ZMYM1: variants seen among roughly 807,000 people sequenced by gnomAD.
ZMYM1 encodes zinc finger MYM-type containing 1, also known as zinc finger MYM-type protein 1.
In ZMYM1, 39 loss-of-function variants were observed where a neutral mutation model predicts 60.0. That is an observed-to-expected ratio of 0.65 (90% confidence interval 0.50 to 0.85). The LOEUF (loss-of-function observed/expected upper bound fraction) is 0.85, where lower values mean the gene tolerates loss of function less well. Among genes scored for constraint, ZMYM1 ranks in the 40% least tolerant of loss-of-function variants. ZMYM1 has a pLI of 0.00. For missense variants in ZMYM1, 1,171 were observed against 1,309.5 expected (o/e 0.89, Z 1.63); for synonymous variants, 413 against 454.0 (o/e 0.91, Z 1.15).
Position 35,114,360 on chromosome 1 carries a change from G to A in ZMYM1, c.2530G>A (p.Asp844Asn), listed in dbSNP as rs759972113. Residue 844 changes from aspartate to asparagine, a missense_variant, in exon 10 of 10, where the codon GAT becomes AAT. Transcript: ENST00000359858. ...ASHSSNTSFADELSHLLTLVS... is the reference protein window; with the variant it reads ...ASHSSNTSFANELSHLLTLVS... ...CCATTCTTCAAATACAAGTTTCGCC[G>A]ATGAATTGAGTCATTTGCTGACATT... 1.7e-5 allele frequency: 28 copies of A among 1,611,998 alleles called. No individual in the cohort carries two copies. The highest frequency in any genetic ancestry group is 2.2e-5 in the East Asian group (1 of 44,830).
chr1:35,110,465 A>G lies in ZMYM1; in HGVS notation c.961+18A>G, dbSNP rs758252957. ...TTCTTCAGGTAATGTTTGTTTAGCA[A>G]TTGTAGGGGTTTAGTAATTATTAAT... On this transcript the variant is annotated intron_variant, in intron 7 of 9. Coordinates refer to ENST00000359858, the MANE Select transcript of ZMYM1 (RefSeq NM_024772.5). 9.7e-6 allele frequency: 14 copies of G among 1,436,966 alleles called. No homozygotes were observed. Among genetic ancestry groups the G allele is most frequent in the Middle Eastern group, 1.9e-4 (1 of 5,364 alleles). The allele number at this position is 1,436,966 out of a possible 1,614,324, so 89.0% of individuals were successfully genotyped here. A position where few individuals can be genotyped will look rare whatever the true frequency, so the allele number is the denominator to read the frequency against.
chr1:35,088,452 A>ATGTGTGTGTGTGTGTGTG (rs1436872757), intron 1 of ZMYM1, among the ~76,000 whole-genome samples: 3 of 101,664 alleles, frequency 3.0e-5, no homozygotes, highest in African/African-American at 1.5e-4. Flanking sequence ...ATATATATAT[A>ATGTGTGTGTGTGTGTGTG]TATGTGTGTG....
rs1378675030 is a variant in ZMYM1, at chr1:35,114,236, A to T, written c.2406A>T (p.Lys802Asn). Reference sequence around the variant, plus strand: ...TAAGTCAAAACAAAACATGCAAGAAACATATATCACAATCATGTTGGACAG... The same window carrying T: ...TAAGTCAAAACAAAACATGCAAGAATCATATATCACAATCATGTTGGACAG... ...YRLSQNKTCKKHISQSCWTVH... is the reference protein window; with the variant it reads ...YRLSQNKTCKNHISQSCWTVH... The change falls in exon 10 of 10, where the codon AAA (lysine) becomes AAT (asparagine). Residue 802 changes from lysine (K) to asparagine (N), a missense_variant. Lys to Asn is a moderately conservative substitution (Grantham distance 94). Coordinates refer to ENST00000359858, the MANE Select transcript of ZMYM1 (RefSeq NM_024772.5). 6.2e-7 allele frequency: 1 copy of T among 1,613,706 alleles called. No homozygotes were observed. The highest frequency in any genetic ancestry group is 8.5e-7 in the Non-Finnish European group (1 of 1,179,842).
Position 35,114,137 on chromosome 1 carries a change from A to G in ZMYM1, c.2307A>G (p.Lys769=). ...TAAAAGAACTCCGAAGTGCTCTAAA[A>G]ACTCTCAGTTCTTTGTTCAACACTA... ...KEVKELRSAL[K]TLSSLFNTIC... The change falls in exon 10 of 10, where the codon AAA becomes AAG. Residue 769 remains lysine (K), a synonymous_variant. Coordinates refer to ENST00000359858, the MANE Select transcript of ZMYM1 (RefSeq NM_024772.5). 6.2e-7 allele frequency: 1 copy of G among 1,610,184 alleles called. No homozygotes were observed. The highest frequency in any genetic ancestry group is 8.5e-7 in the Non-Finnish European group (1 of 1,179,052).
intron 6 of ZMYM1, among the ~76,000 whole-genome samples, chr1:35,107,150 C>T (rs1192703913): frequency 6.1e-5 from 9 of 148,590 alleles, no homozygotes; most frequent in South Asian, 2.2e-4. Flanking sequence ...CGCGCCTGGC[C>T]GGCCTTGTTC....
Position 35,114,460 on chromosome 1 carries a change from A to G in ZMYM1, c.2630A>G (p.Lys877Arg). The change falls in exon 10 of 10, where the codon AAA becomes AGA. Residue 877 changes from lysine (K) to arginine (R), a missense_variant. Physicochemically the swap from Lys to Arg is conservative, Grantham distance 26 (BLOSUM62 2). Coordinates refer to ENST00000359858, the MANE Select transcript of ZMYM1 (RefSeq NM_024772.5). The stretch of plus-strand genomic sequence containing the variant: ...CTGAGTGTTACAGGAATTCTTTCCA[A>G]AGAGCTTCAAAATAAAACCATAGAC... ...RVLSVTGILS[K>R]ELQNKTIDIF... The G allele has an allele frequency of 1.2e-6, 2 of 1,613,306 alleles. No individual in the cohort carries two copies. The highest frequency in any genetic ancestry group is 1.7e-6 in the Non-Finnish European group (2 of 1,179,612).
At chr1:35,071,474 AG>A (rs1195022193) in intron 1 of ZMYM1, among the ~76,000 whole-genome samples, 10 of 152,122 alleles carry the variant, frequency 6.6e-5, no homozygotes, top group Non-Finnish European at 2.9e-5. Flanking sequence ...TTGGGACTGC[AG>A]GTGCATGCCA....
At position 35,110,384 on chromosome 1, in the gene ZMYM1, G is replaced by C. The variant is rs1298254127; in HGVS notation, c.898G>C (p.Glu300Gln). Reference sequence around the variant, plus strand: ...GACTACGAGTGATTTGGGGAAGACAGAGCTTTTCTGCTCTATTAATTGTTT... The same window carrying C: ...GACTACGAGTGATTTGGGGAAGACACAGCTTTTCTGCTCTATTAATTGTTT... Reference protein sequence around the residue: ...IETTSDLGKTELFCSINCFSA... With the variant: ...IETTSDLGKTQLFCSINCFSA... Residue 300 changes from glutamate to glutamine, a missense_variant, in exon 7 of 10, where the codon GAG (glutamate) becomes CAG (glutamine). Transcript: ENST00000359858. 15 of 1,593,436 alleles carry C rather than the reference G, an allele frequency of 9.4e-6. No individual in the cohort carries two copies. In the South Asian group the frequency reaches 1.0e-4, roughly 11 times the overall value.
Position 35,114,131 on chromosome 1 carries a change from T to C in ZMYM1, c.2301T>C (p.Ala767=), listed in dbSNP as rs1425534124. The change falls in exon 10 of 10, where the codon GCT becomes GCC. Residue 767 remains alanine (A), a synonymous_variant. Transcript: ENST00000359858. ...FCKEVKELRS[A]LKTLSSLFNT... ...AAGAAGTAAAAGAACTCCGAAGTGC[T>C]CTAAAAACTCTCAGTTCTTTGTTCA... is the stretch of plus-strand genomic sequence containing the variant. The C allele has an allele frequency of 1.9e-6, 3 of 1,609,554 alleles. No homozygotes were observed. Among genetic ancestry groups the C allele is most frequent in the Non-Finnish European group, 2.5e-6 (3 of 1,178,930 alleles).
chr1:35,085,420 G>A (rs115298085), intron 1 of ZMYM1, among the ~76,000 whole-genome samples: 2,249 of 152,304 alleles, frequency 0.015, 52 homozygotes, highest in African/African-American at 0.049. Flanking sequence ...CATAGGATCT[G>A]ATTAGGCAGA....
chr1:35,074,491 C>T (rs1642130679), upstream of ZMYM1, among the ~76,000 whole-genome samples: 1 of 152,096 alleles, frequency 6.6e-6, no homozygotes, highest in African/African-American at 2.4e-5. Flanking sequence ...TCACTGCAAC[C>T]TCCACCTCCT....
At chr1:35,116,607 G>A (rs1327930084), downstream of ZMYM1, among the ~76,000 whole-genome samples, 2 of 151,868 alleles carry the variant, frequency 1.3e-5, no homozygotes, top group Admixed American at 1.3e-4. Flanking sequence ...ACAGGCGCAC[G>A]CCACCACGCC....
intron 1 of ZMYM1, among the ~76,000 whole-genome samples, chr1:35,086,444 A>G (rs1642658684): frequency 6.6e-6 from 1 of 152,066 alleles, no homozygotes; most frequent in East Asian, 1.9e-4. Flanking sequence ...AGCTGGGACT[A>G]CAGTCTGGGC....
intron 6 of ZMYM1, among the ~76,000 whole-genome samples, chr1:35,109,928 A>G (rs1644028496): frequency 6.6e-6 from 1 of 152,054 alleles, no homozygotes; most frequent in South Asian, 2.1e-4. Context: ...TTGTATTTTT[A>G]GTAGAGACGG....
chr1:35,111,661 A>C, intron 7 of ZMYM1, 111 bp from the exon 8 acceptor site: 2 of 1,052,598 alleles, frequency 1.9e-6, no homozygotes, highest in Non-Finnish European at 2.6e-6. Flanking sequence ...GTACCTACCA[A>C]TTCCTTAAGC....
chr1:35,107,922 A>G (rs1643947296), intron 6 of ZMYM1, among the ~76,000 whole-genome samples: 1 of 152,178 alleles, frequency 6.6e-6, no homozygotes, highest in South Asian at 2.1e-4. Flanking sequence ...CAGCCTGGCC[A>G]ACATGGTGAA....
In ZMYM1 at chr1:35,113,952, A is replaced by G. The variant is rs1443587226; in HGVS notation, c.2122A>G (p.Met708Val). ...KTYLQQIGVD[M>V]DKIHGQAYDS... ...TTATCTGCAGCAAATTGGAGTTGATATGGATAAAATACATGGCCAGGCCTA... is the reference window on the plus strand; with the variant it reads ...TTATCTGCAGCAAATTGGAGTTGATGTGGATAAAATACATGGCCAGGCCTA... The change falls in exon 10 of 10, where the codon ATG (methionine) becomes GTG (valine). Residue 708 changes from methionine (M) to valine (V), a missense_variant. Physicochemically the swap from Met to Val is conservative, Grantham distance 21. Coordinates refer to ENST00000359858, the MANE Select transcript of ZMYM1 (RefSeq NM_024772.5). The G allele has an allele frequency of 1.9e-6, 3 of 1,613,814 alleles. No individual in the cohort carries two copies. Among genetic ancestry groups the G allele is most frequent in the Non-Finnish European group, 2.5e-6 (3 of 1,179,898 alleles).
chr1:35,077,030 C>T (rs1642180297), upstream of ZMYM1, among the ~76,000 whole-genome samples: 1 of 152,080 alleles, frequency 6.6e-6, no homozygotes. Context: ...AATCTTTCAG[C>T]CAGTATAAAC....
chr1:35,079,782 C>G (rs527684066), intron 1 of ZMYM1, among the ~76,000 whole-genome samples: 330 of 152,310 alleles, frequency 2.2e-3, no homozygotes, highest in Admixed American at 4.3e-3. Context: ...CCCATCACAC[C>G]TGTATCTCTC....
Sources: gnomAD v4.1 joint callset for allele counts (sites outside exome capture counted in the v4.1 genomes callset) on GRCh38, gnomAD v4.1.1 for gene constraint, MANE v1.5 for transcripts, NCBI Gene and HGNC (gene_info 2026-07-23, HGNC 2026-07-21) for gene names.